CHN2: variants seen among roughly 807,000 people sequenced by gnomAD.
CHN2 encodes beta-chimaerin.
Under a neutral mutation model 56.3 loss-of-function variants are expected in CHN2, and 35 were observed. The observed-to-expected ratio is 0.62, with a 90% CI of 0.47 to 0.82. The LOEUF (loss-of-function observed/expected upper bound fraction) is 0.82, where lower values mean the gene tolerates loss of function less well. Ranked by LOEUF, CHN2 falls within the 40% of genes least tolerant of loss-of-function variation. The pLI is 0.00. For synonymous variants in CHN2, 210 were observed against 212.8 expected, an observed-to-expected ratio of 0.99 and a Z score of 0.12; for missense variants, 491 against 580.5, an observed-to-expected ratio of 0.85 and a Z score of 1.58.
intron 1 of CHN2, among the ~76,000 whole-genome samples, chr7:29,288,073 A>G (rs1792300392): frequency 6.6e-6 from 1 of 152,188 alleles, no homozygotes; most frequent in Non-Finnish European, 1.5e-5. Context: ...AAACTATGAA[A>G]AATTAAAATA....
At chr7:29,164,475 T>C (rs187291394) in intron 2 of CHN2, among the ~76,000 whole-genome samples, 1 of 152,200 alleles carries the variant, frequency 6.6e-6, no homozygotes, top group African/African-American at 2.4e-5. Context: ...TCATTTCATT[T>C]TTTTGAAGAG....
At chr7:29,267,694 A>T (rs774471886) in intron 1 of CHN2, among the ~76,000 whole-genome samples, 1 of 152,178 alleles carries the variant, frequency 6.6e-6, no homozygotes, top group African/African-American at 2.4e-5. Context: ...TGGAATGTCA[A>T]TGTGTCCCTG....
intron 6 of CHN2, among the ~76,000 whole-genome samples, chr7:29,475,543 C>T (rs1469023963): frequency 1.3e-5 from 2 of 152,118 alleles, no homozygotes; most frequent in African/African-American, 2.4e-5. Flanking sequence ...TGAAAACAAG[C>T]GTTCAAACAA....
At chr7:29,314,358 A>G (rs1004901493) in intron 1 of CHN2, among the ~76,000 whole-genome samples, 2 of 152,178 alleles carry the variant, frequency 1.3e-5, no homozygotes, top group Non-Finnish European at 2.9e-5. Flanking sequence ...GAGGAAGTGG[A>G]ATGGTGATTT....
chr7:29,333,204 A>C (rs78182329), intron 1 of CHN2, among the ~76,000 whole-genome samples: 4 of 152,122 alleles, frequency 2.6e-5, no homozygotes, highest in Non-Finnish European at 5.9e-5. Flanking sequence ...CAGAGCAGCA[A>C]TGGGAACAGG....
chr7:29,174,167 G>A (rs916390925), intron 2 of CHN2, among the ~76,000 whole-genome samples: 1 of 152,068 alleles, frequency 6.6e-6, no homozygotes, highest in Non-Finnish European at 1.5e-5. Flanking sequence ...GCAGGAGGAG[G>A]TGGCTGCCCC....
intron 1 of CHN2, among the ~76,000 whole-genome samples, chr7:29,214,786 A>G (rs895168347): frequency 3.9e-5 from 6 of 152,186 alleles, no homozygotes; most frequent in Non-Finnish European, 8.8e-5. Flanking sequence ...GAAACTTGGC[A>G]GGGAGATGGC....
intron 1 of CHN2, among the ~76,000 whole-genome samples, chr7:29,300,283 A>G (rs1184142979): frequency 2.0e-5 from 3 of 152,226 alleles, no homozygotes; most frequent in Non-Finnish European, 4.4e-5. Context: ...TGAAGCCTTC[A>G]GGGCATTTCA....
At chr7:29,393,175 A>G (rs1167621285) in intron 3 of CHN2, among the ~76,000 whole-genome samples, 3 of 152,248 alleles carry the variant, frequency 2.0e-5, no homozygotes, top group African/African-American at 7.2e-5. Flanking sequence ...TCAGCCCATT[A>G]GCCACATGTT....
chr7:29,158,241 T>A (rs1794696966), intron 2 of CHN2, among the ~76,000 whole-genome samples: 1 of 152,202 alleles, frequency 6.6e-6, no homozygotes, highest in African/African-American at 2.4e-5. Flanking sequence ...CCTTCAGTGT[T>A]CTTTGCCATT....
chr7:29,156,484 G>A (rs1367066574), intron 2 of CHN2, among the ~76,000 whole-genome samples: 2 of 152,164 alleles, frequency 1.3e-5, no homozygotes, highest in Non-Finnish European at 2.9e-5. Context: ...TCAATCTAAA[G>A]ATGGCGATCT....
intron 1 of CHN2, among the ~76,000 whole-genome samples, chr7:29,230,463 C>T (rs1018017729): frequency 6.6e-6 from 1 of 152,116 alleles, no homozygotes; most frequent in African/African-American, 2.4e-5. Flanking sequence ...GCCTCAGCCT[C>T]CCGAGTAGCT....
chr7:29,429,590 C>CAG (rs10627299), intron 6 of CHN2, among the ~76,000 whole-genome samples: 61,702 of 151,906 alleles, frequency 0.41, 13,675 homozygotes, highest in African/African-American at 0.59. Context: ...CAGACACACA[C>CAG]ACACACCCAT....
chr7:29,406,567 C>T (rs1321629012), intron 6 of CHN2, among the ~76,000 whole-genome samples: 11 of 152,134 alleles, frequency 7.2e-5, no homozygotes, highest in Admixed American at 7.2e-4. Flanking sequence ...CCCTCCCCTC[C>T]CCGCCCTGGC....
At chr7:29,272,190 G>A (rs551663285) in intron 1 of CHN2, among the ~76,000 whole-genome samples, 10 of 152,206 alleles carry the variant, frequency 6.6e-5, no homozygotes, top group African/African-American at 2.4e-4. Context: ...CACGGAGTCC[G>A]CCACGGTCTC....
intron 1 of CHN2, among the ~76,000 whole-genome samples, chr7:29,234,882 C>A (rs1787064579): frequency 6.6e-6 from 1 of 152,150 alleles, no homozygotes; most frequent in East Asian, 1.9e-4. Context: ...TGTTTTAGAG[C>A]TGTCACGAAA....
At chr7:29,152,150 A>T (rs528573621) in intron 2 of CHN2, among the ~76,000 whole-genome samples, 94 of 152,362 alleles carry the variant, frequency 6.2e-4, no homozygotes, top group South Asian at 2.1e-3. Context: ...TTCAAGAACT[A>T]GGTCACATCA....
chr7:29,345,488 G>T (rs985508431), intron 1 of CHN2, among the ~76,000 whole-genome samples: 20 of 152,226 alleles, frequency 1.3e-4, no homozygotes, highest in Admixed American at 2.6e-4. Flanking sequence ...CCAGCAGTGT[G>T]CACGCGAGAG....
intron 1 of CHN2, among the ~76,000 whole-genome samples, chr7:29,353,159 G>A (rs1365221092): frequency 6.6e-6 from 1 of 152,150 alleles, no homozygotes; most frequent in Non-Finnish European, 1.5e-5. Context: ...AATGAGCATG[G>A]GAGGCATTTA....
Sources: allele counts gnomAD v4.1 joint callset (sites outside exome capture counted in the v4.1 genomes callset), GRCh38; gene constraint gnomAD v4.1.1; transcripts MANE v1.5; gene names NCBI Gene and HGNC (gene_info 2026-07-23, HGNC 2026-07-21).